SLC66A1: variants seen among roughly 807,000 people sequenced by gnomAD.
SLC66A1 encodes solute carrier family 66 member 1, also known as lysosomal amino acid transporter 1 homolog.
SLC66A1 carries 23 observed loss-of-function variants against 33.0 expected under a neutral mutation model. The ratio of observed to expected loss-of-function variants is 0.70; its 90% CI spans 0.50 to 0.99. The LOEUF is 0.99. Among genes scored for constraint, SLC66A1 ranks in the 50% least tolerant of loss-of-function variants. SLC66A1 has a pLI of 0.00. For missense variants in SLC66A1, 335 were observed against 383.6 expected, an observed-to-expected ratio of 0.87 and a Z score of 1.06; for synonymous variants, 164 against 175.5, an observed-to-expected ratio of 0.93 and a Z score of 0.52.
In SLC66A1 at chr1:19,326,583, T is replaced by C. The variant is rs1446958779; in HGVS notation, c.578T>C (p.Val193Ala). 1 of 1,614,164 alleles carries C rather than the reference T, an allele frequency of 6.2e-7. No homozygotes were observed. Among genetic ancestry groups the C allele is most frequent in the Non-Finnish European group, 8.5e-7 (1 of 1,180,034 alleles). ...TTCGTCATCGGCTCCATCTCCAGCG[T>C]GTTGTACCTGCTTTCCCGGCTGCCT... ...IGFVIGSISS[V>A]LYLLSRLPQI... Residue 193 changes from valine to alanine, a missense_variant, in exon 6 of 8, where the codon GTG becomes GCG. Transcript: ENST00000375153.
rs1181303671 is a variant in SLC66A1, at chr1:19,317,640, TG to T, written c.-37del. ...CAGAACACCAGCGCCCTCCCTCCGGTGCAGCCCTGCCTGGCCGGGGGCCCCT... is the reference window on the plus strand; with the variant it reads ...CAGAACACCAGCGCCCTCCCTCCGGTCAGCCCTGCCTGGCCGGGGGCCCCT... On this transcript the variant is annotated 5_prime_UTR_variant, in exon 2 of 8. Transcript: ENST00000375153. The T allele has an allele frequency of 3.0e-5, 48 of 1,608,982 alleles. No homozygotes were observed. The highest frequency in any genetic ancestry group is 3.8e-5 in the Non-Finnish European group (45 of 1,177,214).
chr1:19,314,981 C>T (rs2093797470), intron 1 of SLC66A1, among the ~76,000 whole-genome samples: 1 of 152,102 alleles, frequency 6.6e-6, no homozygotes, highest in Non-Finnish European at 1.5e-5. Flanking sequence ...GATCTCAGCT[C>T]ACTGCAACCT....
chr1:19,328,805 A>T lies in SLC66A1; in HGVS notation c.*162A>T. 1.3e-6 allele frequency: 1 copy of T among 758,980 alleles called. No homozygotes were observed. Among genetic ancestry groups the T allele is most frequent in the Non-Finnish European group, 2.1e-6 (1 of 473,594 alleles). The allele number at this position is 758,980 out of a possible 1,614,324, so 47.0% of individuals were successfully genotyped here. On this transcript the variant is annotated 3_prime_UTR_variant, in exon 8 of 8. Transcript: ENST00000375153. This position sits in a 1 kb window ranked among gnomAD's most constrained non-coding sequence, Gnocchi z 4.7. ...CCCCCAGGAACACACCTTCAGGTAG[A>T]CCCCGAAGCCTCAAGGCCGGGGCTG...
chr1:19,324,863 G>A, intron 3 of SLC66A1, 101 bp downstream of exon 3: 1 of 1,453,796 alleles, frequency 6.9e-7, no homozygotes, highest in South Asian at 1.3e-5. Context: ...CTGGTCTCCA[G>A]AACCCTGACC....
chr1:19,324,504 C>T (rs749068157), intron 2 of SLC66A1, 129 bp from the exon 3 acceptor site: 24 of 1,203,618 alleles, frequency 2.0e-5, no homozygotes, highest in Admixed American at 4.4e-5. Context: ...GAGGATGGGC[C>T]GCCAGGCCAC....
chr1:19,326,148 A>C (rs41264075), intron 4 of SLC66A1, 97 bp from the exon 5 acceptor site: 323,742 of 1,220,098 alleles, frequency 0.27, 45,894 homozygotes, highest in South Asian at 0.32. Flanking sequence ...CCAAGGTCAC[A>C]CAGCCCCTGA....
chr1:19,314,842 A>T (rs551356522), intron 1 of SLC66A1, among the ~76,000 whole-genome samples: 108 of 151,714 alleles, frequency 7.1e-4, no homozygotes, highest in African/African-American at 2.4e-3. Context: ...TGAGGACTTG[A>T]TTTGAAATGC....
downstream of SLC66A1, among the ~76,000 whole-genome samples, chr1:19,331,944 C>G (rs928151013): frequency 1.3e-5 from 2 of 152,212 alleles, no homozygotes; most frequent in African/African-American, 4.8e-5. Context: ...GTTCCTTCCT[C>G]AGGAGGCCTC....
At chr1:19,322,759 GGCGGCGA>G (rs2093844268) in intron 2 of SLC66A1, among the ~76,000 whole-genome samples, 1 of 152,208 alleles carries the variant, frequency 6.6e-6, no homozygotes, top group African/African-American at 2.4e-5. Flanking sequence ...GCCATCCTGG[GGCGGCGA>G]GCCTGGGGCC....
At chr1:19,319,693 A>G (rs2093824676) in intron 2 of SLC66A1, among the ~76,000 whole-genome samples, 1 of 146,386 alleles carries the variant, frequency 6.8e-6, no homozygotes, top group African/African-American at 2.6e-5. Context: ...GCCTGAGGGC[A>G]GGAGTTCAAG....
downstream of SLC66A1, among the ~76,000 whole-genome samples, chr1:19,329,550 G>A (rs892124213): frequency 6.6e-6 from 1 of 152,190 alleles, no homozygotes; most frequent in Non-Finnish European, 1.5e-5. Context: ...CCTGCCCCTC[G>A]GTGTTCAGGA....
At chr1:19,317,124 T>G (rs1459505029) in intron 1 of SLC66A1, among the ~76,000 whole-genome samples, 1 of 151,954 alleles carries the variant, frequency 6.6e-6, no homozygotes, top group Non-Finnish European at 1.5e-5. Flanking sequence ...AGAGAGTAAT[T>G]TACAATAATA....
intron 2 of SLC66A1, among the ~76,000 whole-genome samples, chr1:19,320,627 G>A (rs774892129): frequency 2.3e-4 from 35 of 151,668 alleles, no homozygotes; most frequent in South Asian, 6.2e-4. Flanking sequence ...GTGTTAGCCA[G>A]GATGGTCTCG....
chr1:19,328,272 C>T lies in SLC66A1; in HGVS notation c.805-300C>T, dbSNP rs1048364910. 2.0e-5 allele frequency among the ~76,000 whole-genome samples: 3 copies of T among 152,162 alleles called. No homozygotes were observed. Among genetic ancestry groups the T allele is most frequent in the Non-Finnish European group, 4.4e-5 (3 of 68,032 alleles). Reference sequence around the variant, plus strand: ...AGCCACCTGGAAGCCTCCAGGACGCCACAGCTGAGAGCAAGCGAAGATCCT... The same window carrying T: ...AGCCACCTGGAAGCCTCCAGGACGCTACAGCTGAGAGCAAGCGAAGATCCT... On this transcript the variant is annotated intron_variant, in intron 7 of 7. Coordinates refer to ENST00000375153, the MANE Select transcript of SLC66A1 (RefSeq NM_001040125.2). This position sits in a 1 kb window ranked among gnomAD's most constrained non-coding sequence, Gnocchi z 4.7.
intron 1 of SLC66A1, among the ~76,000 whole-genome samples, chr1:19,315,992 C>T (rs145522708): frequency 3.9e-4 from 59 of 152,166 alleles, no homozygotes; most frequent in African/African-American, 1.2e-3. Context: ...CTTGGCTCAC[C>T]GGTCCGAGCT....
intron 4 of SLC66A1, 58 bp downstream of exon 4, chr1:19,325,640 G>GTC (rs1553263048): frequency 2.0e-5 from 23 of 1,166,860 alleles, no homozygotes; most frequent in Non-Finnish European, 2.2e-5. Flanking sequence ...GGCAGTTGTG[G>GTC]GGGGGGGCGC....
At chr1:19,324,979 A>G (rs1039664983) in intron 3 of SLC66A1, among the ~76,000 whole-genome samples, 20 of 152,140 alleles carry the variant, frequency 1.3e-4, no homozygotes, top group African/African-American at 4.6e-4. Flanking sequence ...CTGCAATATG[A>G]GCATGTCTAA....
chr1:19,330,947 G>A (rs1003896672), downstream of SLC66A1, among the ~76,000 whole-genome samples: 2 of 152,252 alleles, frequency 1.3e-5, no homozygotes, highest in African/African-American at 2.4e-5. Flanking sequence ...TGCCATGTGC[G>A]GGCTGCGCCG....
At chr1:19,323,298 G>A (rs1395456033) in intron 2 of SLC66A1, among the ~76,000 whole-genome samples, 2 of 152,240 alleles carry the variant, frequency 1.3e-5, no homozygotes, top group South Asian at 2.1e-4. Flanking sequence ...TTAGGAGGCT[G>A]AGGGAGGCAG....
Sources: gnomAD v4.1 joint callset for allele counts (sites outside exome capture counted in the v4.1 genomes callset) on GRCh38, gnomAD v4.1.1 for gene constraint, Gnocchi (gnomAD v3.1) non-coding constraint, MANE v1.5 for transcripts, NCBI Gene and HGNC (gene_info 2026-07-23, HGNC 2026-07-21) for gene names.